MYOM3: variants seen among roughly 807,000 people sequenced by gnomAD.
MYOM3 encodes the protein myomesin-3.
In MYOM3, 155 loss-of-function variants were observed where a neutral mutation model predicts 191.7. The observed-to-expected ratio is 0.81, with a 90% CI of 0.71 to 0.92. MYOM3 has a LOEUF of 0.92. Among genes scored for constraint, MYOM3 ranks in the 40% least tolerant of loss-of-function variants. The probability of loss-of-function intolerance (pLI) is 0.00; values close to 1 mark genes in which losing one functional copy is unlikely to be tolerated. For missense variants in MYOM3, 1,889 were observed against 1,890.6 expected, an observed-to-expected ratio of 1.00 and a Z score of 0.02; for synonymous variants, 757 against 762.9, an observed-to-expected ratio of 0.99 and a Z score of 0.13.
Position 24,061,054 on chromosome 1 carries a change from A to T in MYOM3, c.3994+6T>A. The T allele has an allele frequency of 6.2e-7, 1 of 1,613,958 alleles. No individual in the cohort carries two copies. Among genetic ancestry groups the T allele is most frequent in the Middle Eastern group, 1.6e-4 (1 of 6,062 alleles). ...ACAAAAACAACAGAAATATCGGCCGACTTACTCTTCTCGATGATGGCCAAG... is the reference window on the plus strand; with the variant it reads ...ACAAAAACAACAGAAATATCGGCCGTCTTACTCTTCTCGATGATGGCCAAG... On this transcript the variant is annotated splice_donor_region_variant and intron_variant, in intron 35 of 36. Transcript: ENST00000374434.
At chr1:24,092,400 TC>T in intron 10 of MYOM3, 85 bp from the exon 11 acceptor site, 1 of 1,211,698 alleles carries the variant, frequency 8.3e-7, no homozygotes, top group Non-Finnish European at 1.1e-6. Context: ...AGCATCCTCT[TC>T]TCATCCATCC....
rs200680010 is a variant in MYOM3, at chr1:24,092,139, C to A, written c.1232+35G>T. ...CTCCCACCACCAGACAGAATTCTAC[C>A]CCTAGGGCCTCTGCCACTCACGAGG... On this transcript the variant is annotated intron_variant, in intron 11 of 36. Coordinates refer to ENST00000374434, the MANE Select transcript of MYOM3 (RefSeq NM_152372.4). 1.5e-4 allele frequency: 214 copies of A among 1,419,592 alleles called. 1 individual carries two copies. The highest frequency in any genetic ancestry group is 1.9e-4 in the Non-Finnish European group (206 of 1,078,828). The allele number at this position is 1,419,592 out of a possible 1,614,324, so 87.9% of individuals were successfully genotyped here.
At chr1:24,089,799 A>G in intron 13 of MYOM3, 134 bp from the exon 14 acceptor site, 1 of 1,125,726 alleles carries the variant, frequency 8.9e-7, no homozygotes, top group Non-Finnish European at 1.3e-6. Context: ...GCTCCAGGTC[A>G]CTCAGCAATG....
chr1:24,060,277 C>A (rs1374527625), intron 35 of MYOM3, among the ~76,000 whole-genome samples: 1 of 152,194 alleles, frequency 6.6e-6, no homozygotes, highest in Non-Finnish European at 1.5e-5. Context: ...TGCATGGCCA[C>A]TTATACCCCT....
intron 15 of MYOM3, among the ~76,000 whole-genome samples, chr1:24,085,960 T>G (rs1643732843): frequency 6.6e-6 from 1 of 152,188 alleles, no homozygotes; most frequent in Non-Finnish European, 1.5e-5. Flanking sequence ...TAGGTGGTAC[T>G]GTAGCAAGGT....
At chr1:24,066,948 C>T in intron 28 of MYOM3, 73 bp downstream of exon 28, 1 of 1,398,508 alleles carries the variant, frequency 7.2e-7, no homozygotes, top group Non-Finnish European at 9.8e-7. Context: ...TGGGCAGGGA[C>T]AGCAACTGGG....
chr1:24,109,967 G>A (rs964454211), intron 1 of MYOM3, among the ~76,000 whole-genome samples: 7 of 152,224 alleles, frequency 4.6e-5, no homozygotes, highest in African/African-American at 1.2e-4. Context: ...AGTGGGGCCG[G>A]ATCAGATTGA....
intron 7 of MYOM3, among the ~76,000 whole-genome samples, chr1:24,096,383 T>G (rs1643878388): frequency 6.6e-6 from 1 of 152,146 alleles, no homozygotes; most frequent in Admixed American, 6.5e-5. Flanking sequence ...GCAAGCCTGG[T>G]GGACCCTGGA....
intron 25 of MYOM3, 85 bp downstream of exon 25, chr1:24,071,032 T>A (rs1643524366): frequency 6.6e-7 from 1 of 1,509,746 alleles, no homozygotes; most frequent in African/African-American, 1.4e-5. Context: ...TAGGGGGAAG[T>A]ACCAGCCCAT....
At chr1:24,104,881 A>G (rs1486532789) in intron 5 of MYOM3, among the ~76,000 whole-genome samples, 7 of 152,148 alleles carry the variant, frequency 4.6e-5, no homozygotes, top group Non-Finnish European at 8.8e-5. Flanking sequence ...CCTGGGATAG[A>G]TGACACCCTC....
At chr1:24,103,815 T>TCC (rs201462636) in intron 5 of MYOM3, among the ~76,000 whole-genome samples, 1 of 151,378 alleles carries the variant, frequency 6.6e-6, no homozygotes, top group African/African-American at 2.4e-5. Flanking sequence ...TGCACAGATC[T>TCC]CCCCCCGCCC....
At chr1:24,085,040 CTGTAACT>C (rs1246356435) in intron 15 of MYOM3, among the ~76,000 whole-genome samples, 1 of 152,108 alleles carries the variant, frequency 6.6e-6, no homozygotes, top group Non-Finnish European at 1.5e-5. Flanking sequence ...ATAGGGGCTG[CTGTAACT>C]TGTTAAATGG....
chr1:24,075,535 C>A, intron 21 of MYOM3, 60 bp from the exon 22 acceptor site: 10 of 1,484,942 alleles, frequency 6.7e-6, no homozygotes, highest in Non-Finnish European at 9.0e-6. Context: ...CAGGTCACAC[C>A]CCTCCCCTGC....
At chr1:24,095,885 G>A (rs939985465) in intron 7 of MYOM3, among the ~76,000 whole-genome samples, 1 of 152,156 alleles carries the variant, frequency 6.6e-6, no homozygotes, top group African/African-American at 2.4e-5. Context: ...GCAGCACTGA[G>A]AGGCATCCAG....
intron 36 of MYOM3, 92 bp from the exon 37 acceptor site, chr1:24,057,719 G>A: frequency 9.1e-7 from 1 of 1,099,908 alleles, no homozygotes; most frequent in South Asian, 1.5e-5. Flanking sequence ...CCCAGCTCAG[G>A]TTGCTCCCTG....
At chr1:24,102,832 GA>G (rs1279889348) in intron 5 of MYOM3, among the ~76,000 whole-genome samples, 10 of 152,184 alleles carry the variant, frequency 6.6e-5, no homozygotes, top group Non-Finnish European at 1.5e-4. Flanking sequence ...GCAACAGAGT[GA>G]GACCTTATTT....
At chr1:24,107,948 G>A in intron 3 of MYOM3, 45 bp downstream of exon 3, 1 of 1,543,422 alleles carries the variant, frequency 6.5e-7, no homozygotes, top group Non-Finnish European at 8.9e-7. Context: ...TGGACAGGAT[G>A]GCCCCTCCTC....
chr1:24,062,743 TC>T lies in MYOM3; in HGVS notation c.3770+382del, dbSNP rs370874208. ...CTAAGTCTGCAGAGGCCCACAAGGG[TC>T]CCCTGACCCACCTGACCACTTGGCT... On this transcript the variant is annotated intron_variant, in intron 32 of 36. Transcript: ENST00000374434. Among the ~76,000 whole-genome samples the T allele has an allele frequency of 4.1e-4, 62 of 152,160 alleles. 1 individual carries two copies. The highest frequency in any genetic ancestry group is 6.8e-3 in the Middle Eastern group (2 of 294).
At chr1:24,099,551 C>T (rs1570884648) in intron 6 of MYOM3, 129 bp downstream of exon 6, 1 of 694,808 alleles carries the variant, frequency 1.4e-6, no homozygotes, top group South Asian at 1.7e-5. Flanking sequence ...GGTATTTTGA[C>T]CAGCACCCTA....
Sources: gnomAD v4.1 joint callset for allele counts (sites outside exome capture counted in the v4.1 genomes callset) on GRCh38, gnomAD v4.1.1 for gene constraint, MANE v1.5 for transcripts, NCBI Gene and HGNC (gene_info 2026-07-23, HGNC 2026-07-21) for gene names.